Variants in PARP1 observed in about 807,000 individuals in gnomAD.
The protein encoded by PARP1 is poly [ADP-ribose] polymerase 1.
PARP1 carries 44 observed loss-of-function variants against 118.7 expected under a neutral mutation model. That is an observed-to-expected ratio of 0.37 (90% CI 0.29 to 0.48). PARP1 has a LOEUF of 0.48. PARP1 is among the 20% of genes least tolerant of loss of function. The pLI, the probability that PARP1 is intolerant of heterozygous loss-of-function variation, is 0.99. For missense variants in PARP1, 1,100 were observed against 1,272.4 expected (o/e 0.86, Z 2.06); for synonymous variants, 492 against 483.2 (o/e 1.02, Z -0.24).
chr1:226,388,604 A>G, intron 5 of PARP1, 52 bp downstream of exon 5: 1 of 1,252,068 alleles, frequency 8.0e-7, no homozygotes, highest in Non-Finnish European at 1.2e-6. Context: ...AGAATGAGAA[A>G]GAGAATCCAG....
Position 226,360,809 on chromosome 1 carries a change from T to C in PARP1, c.*651A>G, listed in dbSNP as rs1032601025. The C allele has an allele frequency of 2.2e-5, 5 of 228,468 alleles. No individual in the cohort carries two copies. Among genetic ancestry groups the C allele is most frequent in the Non-Finnish European group, 4.3e-5 (5 of 115,118 alleles). 14.2% of individuals were successfully genotyped at this position (228,468 alleles called of 1,614,324 possible). A position where few individuals can be genotyped will look rare whatever the true frequency, so the allele number is the denominator to read the frequency against. On this transcript the variant is annotated 3_prime_UTR_variant, in exon 23 of 23. Transcript: ENST00000366794. ...CCATAAGAAAGTCAAGAATTTCAAATGCAACTTTTAATACTACATATTTCA... is the reference window on the plus strand; with the variant it reads ...CCATAAGAAAGTCAAGAATTTCAAACGCAACTTTTAATACTACATATTTCA...
rs13306119 is a variant in PARP1, at chr1:226,368,301, G to A, written c.2175C>T (p.Ser725=). 26 of 1,614,146 alleles carry A rather than the reference G, an allele frequency of 1.6e-5. No individual in the cohort carries two copies. The East Asian group carries it at 4.2e-4, about 26-fold the overall frequency. The change falls in exon 16 of 23, where the codon AGC becomes AGT. Residue 725 remains serine, a synonymous_variant. Transcript: ENST00000366794. ...TTGAGAGATCCAGGATCTGAGAGTC[G>A]CTGCTGCCCTGAGACACCGCCTGGA... ...EVQQAVSQGS[S]DSQILDLSNR...
chr1:226,382,693 C>T (rs3219063), intron 8 of PARP1, among the ~76,000 whole-genome samples: 1,838 of 152,266 alleles, frequency 0.012, 101 homozygotes, highest in Admixed American at 0.09. Flanking sequence ...TAATTTTAAA[C>T]ATTTTTGTAG....
At chr1:226,399,832 C>T (rs1052086597) in intron 2 of PARP1, among the ~76,000 whole-genome samples, 5 of 151,994 alleles carry the variant, frequency 3.3e-5, no homozygotes, top group African/African-American at 7.3e-5. Flanking sequence ...GTAGGGCTAG[C>T]GGGTATATGG....
intron 19 of PARP1, 86 bp downstream of exon 19, chr1:226,364,916 A>G: frequency 1.4e-6 from 2 of 1,474,078 alleles, no homozygotes; most frequent in Non-Finnish European, 1.9e-6. Flanking sequence ...ATCCCCCTAA[A>G]CCAACTAGAC....
intron 15 of PARP1, 36 bp from the exon 16 acceptor site, chr1:226,368,357 G>A: frequency 6.2e-7 from 1 of 1,613,730 alleles, no homozygotes; most frequent in South Asian, 1.1e-5. Flanking sequence ...GCAAGACTGA[G>A]GGAGCAGCTC....
At position 226,392,252 on chromosome 1, in the gene PARP1, A is replaced by T; in HGVS notation, c.349T>A (p.Tyr117Asn). 7 of 1,613,872 alleles carry T rather than the reference A, an allele frequency of 4.3e-6. No individual in the cohort carries two copies. The highest frequency in any genetic ancestry group is 5.9e-6 in the Non-Finnish European group (7 of 1,179,902). ...CACGTACTTCTGTTGGACTTGGCAT[A>T]CTCTGCTGCAAAGTCACCCAGAGTC... ...EKTLGDFAAE[Y>N]AKSNRSTCKG... Residue 117 changes from tyrosine (Y) to asparagine (N), a missense_variant, in exon 3 of 23, where the codon TAT (tyrosine) becomes AAT (asparagine). Tyr to Asn is a moderately radical substitution (Grantham distance 143). Around this residue, in one of 2 missense-constraint regions of PARP1, gnomAD observed 948 missense variants for 1,031.8 expected, o/e 0.92. Transcript: ENST00000366794.
At chr1:226,381,327 C>T (rs1340295648) in intron 8 of PARP1, 119 bp from the exon 9 acceptor site, 1 of 1,161,100 alleles carries the variant, frequency 8.6e-7, no homozygotes, top group South Asian at 1.3e-5. Context: ...TATGAAAATA[C>T]ACTCGCGAGA....
chr1:226,387,253 G>A, intron 5 of PARP1, among the ~76,000 whole-genome samples: 1 of 152,194 alleles, frequency 6.6e-6, no homozygotes, highest in Non-Finnish European at 1.5e-5. Context: ...AAAGTGCTGG[G>A]ATTACAGGTG....
At chr1:226,407,398 C>G (rs1381679035) in intron 1 of PARP1, among the ~76,000 whole-genome samples, 10 of 150,200 alleles carry the variant, frequency 6.7e-5, no homozygotes, top group African/African-American at 2.5e-4. Context: ...ACCCACATGT[C>G]AGTCGCCACC....
intron 4 of PARP1, among the ~76,000 whole-genome samples, chr1:226,388,998 G>A (rs1664774905): frequency 6.6e-6 from 1 of 152,032 alleles, no homozygotes; most frequent in African/African-American, 2.4e-5. Context: ...CCCAGCCAGG[G>A]AGAGGGGCTA....
At chr1:226,364,171 G>T in intron 19 of PARP1, 101 bp from the exon 20 acceptor site, 1 of 1,111,288 alleles carries the variant, frequency 9.0e-7, no homozygotes, top group Non-Finnish European at 1.4e-6. Context: ...GCTAAGTGCT[G>T]CAATCCATCA....
In PARP1 at chr1:226,408,072, C is replaced by T; in HGVS notation, c.-143G>A. On this transcript the variant is annotated 5_prime_UTR_variant, in exon 1 of 23. Coordinates refer to ENST00000366794, the MANE Select transcript of PARP1 (RefSeq NM_001618.4). ...CCACCGAACACGCCGCACCGGCCAC[C>T]GCCGTTCCCTGATAGATTGCTGATG... 3.3e-6 allele frequency: 4 copies of T among 1,223,452 alleles called. No homozygotes were observed. The highest frequency in any genetic ancestry group is 4.6e-6 in the Non-Finnish European group (4 of 861,240). 75.8% of individuals were successfully genotyped at this position (1,223,452 alleles called of 1,614,324 possible). A position where few individuals can be genotyped will look rare whatever the true frequency, so the allele number is the denominator to read the frequency against.
intron 2 of PARP1, among the ~76,000 whole-genome samples, chr1:226,400,022 T>C (rs1664999330): frequency 6.6e-6 from 1 of 150,830 alleles, no homozygotes; most frequent in Admixed American, 6.6e-5. Context: ...CGAAAAAAGT[T>C]TACATATAAA....
chr1:226,397,463 G>GGAA (rs1664946970), intron 2 of PARP1, among the ~76,000 whole-genome samples: 1 of 115,596 alleles, frequency 8.7e-6, no homozygotes, highest in African/African-American at 4.1e-5. Context: ...ACCAGCTGCT[G>GGAA]CAAGGGCAGA....
chr1:226,379,258 C>T lies in PARP1; in HGVS notation c.1629G>A (p.Ala543=), dbSNP rs116547814. ...VDPDSGLEHS[A]HVLEKGGKVF... is the part of the protein sequence containing the mutation. Reference sequence around the variant, plus strand: ...CCTTCCCACCTTTCTCCAGGACATGCGCAGAGTGTTCCAGTCCTGTCCCAG... The same window carrying T: ...CCTTCCCACCTTTCTCCAGGACATGTGCAGAGTGTTCCAGTCCTGTCCCAG... Residue 543 remains alanine (A), a synonymous_variant, in exon 12 of 23, where the codon GCG becomes GCA. Transcript: ENST00000366794. 7.3e-4 allele frequency: 1,183 copies of T among 1,614,248 alleles called. 7 individuals are homozygous for T. In the African/African-American group the frequency reaches 0.013, roughly 18 times the overall value.
At position 226,407,702 on chromosome 1, in the gene PARP1, A is replaced by AGGGCCCGGGCCC. The variant is rs144361550; in HGVS notation, c.120+96_120+107dup. On this transcript the variant is annotated intron_variant, in intron 1 of 22. Transcript: ENST00000366794. ...CCCATAGGCCCCAAGTGCCGCTCCG[A>AGGGCCCGGGCCC]GGGCCCGGGCCCGCTCGCTCCCTGG... is the stretch of plus-strand genomic sequence containing the variant. 3.7e-3 allele frequency: 3,557 copies of AGGGCCCGGGCCC among 967,814 alleles called. 16 individuals are homozygous for AGGGCCCGGGCCC. Among genetic ancestry groups the AGGGCCCGGGCCC allele is most frequent in the Non-Finnish European group, 3.8e-3 (2,754 of 724,644 alleles). 60.0% of individuals were successfully genotyped at this position (967,814 alleles called of 1,614,324 possible).
In PARP1 at chr1:226,408,066, G is replaced by A. The variant is rs1165827233; in HGVS notation, c.-137C>T. On this transcript the variant is annotated 5_prime_UTR_variant, in exon 1 of 23. Transcript: ENST00000366794. ...GAGCCGCCACCGAACACGCCGCACC[G>A]GCCACCGCCGTTCCCTGATAGATTG... 11 of 1,259,530 alleles carry A rather than the reference G, an allele frequency of 8.7e-6. No homozygotes were observed. Among genetic ancestry groups the A allele is most frequent in the South Asian group, 3.8e-5 (3 of 79,338 alleles). 78.0% of individuals were successfully genotyped at this position (1,259,530 alleles called of 1,614,324 possible). A position where few individuals can be genotyped will look rare whatever the true frequency, so the allele number is the denominator to read the frequency against.
At chr1:226,362,813 CTG>C (rs1174270102) in intron 21 of PARP1, among the ~76,000 whole-genome samples, 1 of 151,652 alleles carries the variant, frequency 6.6e-6, no homozygotes, top group East Asian at 1.9e-4. Flanking sequence ...AGAGAGTGAA[CTG>C]TTTTTAAAAA....
Sources: allele counts gnomAD v4.1 joint callset (sites outside exome capture counted in the v4.1 genomes callset), GRCh38; gene constraint gnomAD v4.1.1; regional missense constraint gnomAD v4.1.1; transcripts MANE v1.5; gene names NCBI Gene and HGNC (gene_info 2026-07-23, HGNC 2026-07-21).